The following TMEM181 variants were observed in gnomAD, a reference collection of about 807,000 sequenced individuals.
The protein encoded by TMEM181 is G protein-coupled receptor 178.
TMEM181 carries 39 observed loss-of-function variants against 71.9 expected under a neutral mutation model. That is an observed-to-expected ratio of 0.54 (90% CI 0.42 to 0.71). TMEM181 has a LOEUF of 0.71. TMEM181 is among the 30% of genes least tolerant of loss of function. The probability of loss-of-function intolerance (pLI) is 0.00; values close to 1 mark genes in which losing one functional copy is unlikely to be tolerated. For missense variants in TMEM181, 595 were observed against 583.0 expected (o/e 1.02, Z -0.21); for synonymous variants, 245 against 228.8 (o/e 1.07, Z -0.64).
chr6:158,541,629 G>T (rs1216048918), intron 1 of TMEM181, among the ~76,000 whole-genome samples: 1 of 152,142 alleles, frequency 6.6e-6, no homozygotes, highest in Non-Finnish European at 1.5e-5. Context: ...CTCCATGCTG[G>T]CCAACCGTCC....
chr6:158,563,477 C>T (rs1782304294), intron 1 of TMEM181, among the ~76,000 whole-genome samples: 1 of 152,160 alleles, frequency 6.6e-6, no homozygotes, highest in African/African-American at 2.4e-5. Flanking sequence ...AGAGTAACTG[C>T]CCCAGGTTAC....
At chr6:158,605,687 G>C (rs1185889330) in intron 7 of TMEM181, among the ~76,000 whole-genome samples, 1 of 152,152 alleles carries the variant, frequency 6.6e-6, no homozygotes, top group Non-Finnish European at 1.5e-5. Flanking sequence ...CATGCTCTTG[G>C]GTTTTTATAT....
intron 1 of TMEM181, among the ~76,000 whole-genome samples, chr6:158,540,508 C>T (rs377243952): frequency 7.2e-5 from 11 of 152,296 alleles, no homozygotes; most frequent in African/African-American, 2.2e-4. Context: ...TAGCAGAGCG[C>T]GGTGGCTCGT....
At chr6:158,624,878 T>C (rs1277291899) in intron 11 of TMEM181, among the ~76,000 whole-genome samples, 1 of 152,208 alleles carries the variant, frequency 6.6e-6, no homozygotes, top group African/African-American at 2.4e-5. Context: ...TCTGCTCCGC[T>C]GATTTGCAAG....
intron 1 of TMEM181, among the ~76,000 whole-genome samples, chr6:158,543,550 C>T (rs1050831012): frequency 2.6e-5 from 4 of 152,242 alleles, no homozygotes; most frequent in African/African-American, 9.6e-5. Flanking sequence ...GTTGTCTCCT[C>T]CTGAGGGACA....
intron 10 of TMEM181, among the ~76,000 whole-genome samples, chr6:158,609,097 C>G (rs1336094235): frequency 8.8e-6 from 1 of 113,450 alleles, no homozygotes; most frequent in Non-Finnish European, 1.9e-5. Context: ...GACCTTGTCT[C>G]AAAAAAAAAA....
intron 15 of TMEM181, among the ~76,000 whole-genome samples, chr6:158,630,513 T>C (rs536303558): frequency 6.6e-6 from 1 of 152,026 alleles, no homozygotes; most frequent in African/African-American, 2.4e-5. Context: ...TTAAATAAAA[T>C]AGGCTTTGCA....
At chr6:158,588,383 C>T (rs1187797459) in intron 5 of TMEM181, among the ~76,000 whole-genome samples, 5 of 152,202 alleles carry the variant, frequency 3.3e-5, no homozygotes, top group Non-Finnish European at 7.3e-5. Context: ...TAGGTCAGCA[C>T]CCCACTGTGT....
At chr6:158,571,304 A>G (rs1162813478) in intron 1 of TMEM181, among the ~76,000 whole-genome samples, 15 of 148,580 alleles carry the variant, frequency 1.0e-4, no homozygotes, top group South Asian at 6.5e-4. Flanking sequence ...TCACCGTGTT[A>G]GCAGGATGGT....
chr6:158,538,664 G>A (rs1167323785), intron 1 of TMEM181, among the ~76,000 whole-genome samples: 1 of 152,118 alleles, frequency 6.6e-6, no homozygotes, highest in Non-Finnish European at 1.5e-5. Context: ...TGAATACAGC[G>A]GTGAGCAAGA....
intron 1 of TMEM181, among the ~76,000 whole-genome samples, chr6:158,545,813 C>G (rs189070102): frequency 6.6e-6 from 1 of 152,248 alleles, no homozygotes; most frequent in East Asian, 1.9e-4. Flanking sequence ...TCTCCCACCT[C>G]AGCCTCCTGA....
At chr6:158,559,878 A>C (rs892252967), upstream of TMEM181, among the ~76,000 whole-genome samples, 1 of 152,230 alleles carries the variant, frequency 6.6e-6, no homozygotes, top group Non-Finnish European at 1.5e-5. Context: ...ACAAGAGGTA[A>C]ACTAAGTCAT....
chr6:158,560,617 C>T (rs557647425), intron 1 of TMEM181, among the ~76,000 whole-genome samples: 1 of 152,160 alleles, frequency 6.6e-6, no homozygotes, highest in South Asian at 2.1e-4. Context: ...GCCTCTCCTG[C>T]CGGAAAGGCC....
intron 10 of TMEM181, chr6:158,611,033 G>T: frequency 2.2e-6 from 1 of 450,522 alleles, no homozygotes; most frequent in Non-Finnish European, 4.4e-6. Flanking sequence ...TATGCTTTCG[G>T]ATTTCTAAAT....
intron 2 of TMEM181, among the ~76,000 whole-genome samples, chr6:158,580,295 A>G (rs1317263086): frequency 4.6e-5 from 7 of 152,228 alleles, no homozygotes; most frequent in East Asian, 1.9e-4. Flanking sequence ...GCGCTATTGC[A>G]CTCCAGCCTG....
intron 10 of TMEM181, among the ~76,000 whole-genome samples, chr6:158,615,182 A>G (rs1219567381): frequency 6.6e-6 from 1 of 152,160 alleles, no homozygotes; most frequent in Non-Finnish European, 1.5e-5. Context: ...TTGCCATTCT[A>G]ACTGGTGTGA....
intron 4 of TMEM181, 83 bp downstream of exon 4, chr6:158,584,127 C>A: frequency 1.7e-6 from 2 of 1,165,182 alleles, no homozygotes; most frequent in Non-Finnish European, 2.5e-6. Context: ...AATATTCAGA[C>A]AAGCAAGTGC....
intron 3 of TMEM181, among the ~76,000 whole-genome samples, chr6:158,582,032 C>G (rs1008248503): frequency 6.6e-6 from 1 of 152,020 alleles, no homozygotes; most frequent in African/African-American, 2.4e-5. Flanking sequence ...AGTTTTCTAC[C>G]CTTATAATTT....
At position 158,597,369 on chromosome 6, in the gene TMEM181, A is replaced by G. The variant is rs139365218; in HGVS notation, c.492+7587A>G. Among the ~76,000 whole-genome samples the G allele has an allele frequency of 5.0e-3, 761 of 152,300 alleles. 5 individuals carry two copies. The highest frequency in any genetic ancestry group is 0.017 in the African/African-American group (692 of 41,566). ...TGGAGGGCAGGGAAGTCCAGGATCC[A>G]GGCACTGGCAGGTTTGGTGTCTGGT... is the stretch of plus-strand genomic sequence containing the variant. On this transcript the variant is annotated intron_variant, in intron 6 of 16. Coordinates refer to ENST00000684151, the MANE Select transcript of TMEM181 (RefSeq NM_001376852.1).
Sources: gnomAD v4.1 joint callset for allele counts (sites outside exome capture counted in the v4.1 genomes callset) on GRCh38, gnomAD v4.1.1 for gene constraint, MANE v1.5 for transcripts, NCBI Gene and HGNC (gene_info 2026-07-23, HGNC 2026-07-21) for gene names.